GPR135: variants seen among roughly 807,000 people sequenced by gnomAD.
GPR135 encodes G protein-coupled receptor 135.
Under a neutral mutation model 15.0 loss-of-function variants are expected in GPR135, and 17 were observed. The ratio of observed to expected loss-of-function variants is 1.13; its 90% CI spans 0.78 to 1.70. The LOEUF (loss-of-function observed/expected upper bound fraction) is 1.70. GPR135 is among the 40% of genes most tolerant of loss of function. The pLI, the probability that GPR135 is intolerant of heterozygous loss-of-function variation, is 0.00. For synonymous variants in GPR135, 368 were observed against 349.4 expected (o/e 1.05, Z -0.59); for missense variants, 776 against 727.0 (o/e 1.07, Z -0.78).
Position 59,464,704 on chromosome 14 carries a change from C to A in GPR135, c.523G>T (p.Ala175Ser). Residue 175 changes from alanine to serine, a missense_variant, in exon 1 of 1, where the codon GCC becomes TCC. Transcript: ENST00000395116. The stretch of plus-strand genomic sequence containing the variant: ...AAGCCGCGCCAGGGCCCCGCGGCGG[C>A]GGCAGGCGCCGAACCCCCGGGCGGA... ...FTPPGGSAPA[A>S]AAGPWRGFCA... is the part of the protein sequence containing the mutation. 3 of 1,568,138 alleles carry A rather than the reference C, an allele frequency of 1.9e-6. No homozygotes were observed. The highest frequency in any genetic ancestry group is 1.7e-4 in the Middle Eastern group (1 of 5,894).
In GPR135 at chr14:59,464,080, T is replaced by C. The variant is rs764155585; in HGVS notation, c.1147A>G (p.Asn383Asp). 5.0e-6 allele frequency: 8 copies of C among 1,612,846 alleles called. No individual in the cohort carries two copies. The highest frequency in any genetic ancestry group is 6.8e-6 in the Non-Finnish European group (8 of 1,180,012). ...VWLTWANGAI[N>D]PVIYAIRNPN... is the part of the protein sequence containing the mutation. ...TTGCGGATGGCGTAGATGACAGGGTTGATGGCCCCATTGGCCCAGGTCAGC... is the reference window on the plus strand; with the variant it reads ...TTGCGGATGGCGTAGATGACAGGGTCGATGGCCCCATTGGCCCAGGTCAGC... The change falls in exon 1 of 1, where the codon AAC becomes GAC. Residue 383 changes from asparagine (N) to aspartate (D), a missense_variant. Asn to Asp is a conservative substitution (Grantham distance 23, BLOSUM62 1). Coordinates refer to ENST00000395116, the MANE Select transcript of GPR135 (RefSeq NM_022571.6).
rs1889111458 is a variant in GPR135 at position 59,465,180 on chromosome 14, AG to A, written c.46del (p.Leu16TrpfsTer40). The A allele has an allele frequency of 1.5e-6, 2 of 1,299,936 alleles. No individual in the cohort carries two copies. The highest frequency in any genetic ancestry group is 1.9e-6 in the Non-Finnish European group (2 of 1,029,640). The allele number at this position is 1,299,936 out of a possible 1,614,324, so 80.5% of individuals were successfully genotyped here. On this transcript the variant is annotated frameshift_variant, in exon 1 of 1. Transcript: ENST00000395116. LOFTEE classifies it high-confidence loss of function. Reference protein sequence around the residue: ...PPRPPASMALLGSQHSGAPSA... With the variant: ...PPRPPASMALXGSQHSGAPSA... ...GGGGGCGCCGGAGTGCTGGCTGCCC[AG>A]TAAGGCCATGCTCGCTGGTGGGCGG...
chr14:59,460,338 T>G (rs1888809671), downstream of GPR135: 2 of 152,242 alleles, frequency 1.3e-5, no homozygotes. Context: ...GAAACACATA[T>G]ATATAGTTGT....
At chr14:59,457,503 T>C (rs1015877317), downstream of GPR135, among the ~76,000 whole-genome samples, 1 of 152,194 alleles carries the variant, frequency 6.6e-6, no homozygotes, top group African/African-American at 2.4e-5. Flanking sequence ...TATTCATTTT[T>C]TCTGCATTAT....
chr14:59,455,502 C>T (rs1047792189), intron 6 of GPR135, among the ~76,000 whole-genome samples: 7 of 152,228 alleles, frequency 4.6e-5, no homozygotes, highest in African/African-American at 7.2e-5. Flanking sequence ...GTGTAACAAG[C>T]TAGCTCCAAA....
At chr14:59,452,957 T>C (rs1888538693) in intron 6 of GPR135, among the ~76,000 whole-genome samples, 1 of 152,168 alleles carries the variant, frequency 6.6e-6, no homozygotes, top group Non-Finnish European at 1.5e-5. Context: ...TGCATATTAC[T>C]AAGCGAAAAA....
chr14:59,464,713 C>T lies in GPR135; in HGVS notation c.514G>A (p.Ala172Thr). The change falls in exon 1 of 1, where the codon GCG becomes ACG. Residue 172 changes from alanine (A) to threonine (T), a missense_variant. Transcript: ENST00000395116. ...CAGGGCCCCGCGGCGGCGGCAGGCG[C>T]CGAACCCCCGGGCGGAGTGAAGAGG... ...LDLFTPPGGS[A>T]PAAAAGPWRG... 1 of 1,566,422 alleles carries T rather than the reference C, an allele frequency of 6.4e-7. No individual in the cohort carries two copies. Among genetic ancestry groups the T allele is most frequent in the Non-Finnish European group, 8.6e-7 (1 of 1,158,736 alleles).
chr14:59,464,869 C>A lies in GPR135; in HGVS notation c.358G>T (p.Gly120Cys). Residue 120 changes from glycine (G) to cysteine (C), a missense_variant, in exon 1 of 1, where the codon GGC (glycine) becomes TGC (cysteine). Physicochemically the swap from Gly to Cys is radical, Grantham distance 159. Transcript: ENST00000395116. Reference protein sequence around the residue: ...LLLIFLLSSLGNCAVMGVIVK... With the variant: ...LLLIFLLSSLCNCAVMGVIVK... Reference sequence around the variant, plus strand: ...ATCACCCCCATCACCGCGCAGTTGCCAAGGCTAGACAGCAGGAAGATGAGC... The same window carrying A: ...ATCACCCCCATCACCGCGCAGTTGCAAAGGCTAGACAGCAGGAAGATGAGC... The A allele has an allele frequency of 6.2e-7, 1 of 1,605,996 alleles. No homozygotes were observed. Among genetic ancestry groups the A allele is most frequent in the Non-Finnish European group, 8.5e-7 (1 of 1,176,818 alleles).
chr14:59,455,484 T>C (rs1253407519), intron 6 of GPR135, among the ~76,000 whole-genome samples: 3 of 152,246 alleles, frequency 2.0e-5, no homozygotes, highest in Admixed American at 2.0e-4. Flanking sequence ...GTATTAGTTA[T>C]TATTGTTGTG....
chr14:59,454,919 G>A (rs577868785), intron 6 of GPR135, among the ~76,000 whole-genome samples: 10 of 152,178 alleles, frequency 6.6e-5, no homozygotes, highest in African/African-American at 2.4e-4. Context: ...GGCCAACATG[G>A]TGAAACCCCA....
At chr14:59,459,869 T>C (rs1421522113), downstream of GPR135, among the ~76,000 whole-genome samples, 2 of 152,112 alleles carry the variant, frequency 1.3e-5, no homozygotes, top group Non-Finnish European at 2.9e-5. Context: ...ACAGAAGTAA[T>C]AGATAGCATG....
chr14:59,463,813 C>A lies in GPR135; in HGVS notation c.1414G>T (p.Glu472Ter). The change falls in exon 1 of 1, where the codon GAG (glutamate) becomes TAG (stop). Residue 472 changes from glutamate (E) to a stop codon, truncating the protein, a stop_gained. Transcript: ENST00000395116. LOFTEE classifies it high-confidence loss of function. ...GCCGTCACCGGCTCTGGTGGTCCCTCTCGGCAGAAAAGTACAACTGGATTT... is the reference window on the plus strand; with the variant it reads ...GCCGTCACCGGCTCTGGTGGTCCCTATCGGCAGAAAAGTACAACTGGATTT... ...RKNPVVLFCR[E>*]GPPEPVTAVT... is the part of the protein sequence containing the mutation. 1 of 1,614,152 alleles carries A rather than the reference C, an allele frequency of 6.2e-7. No individual in the cohort carries two copies. The highest frequency in any genetic ancestry group is 8.5e-7 in the Non-Finnish European group (1 of 1,179,994).
chr14:59,463,522 T>C lies in GPR135; in HGVS notation c.*220A>G. On this transcript the variant is annotated 3_prime_UTR_variant, in exon 1 of 1. Transcript: ENST00000395116. ...ACTTACAGTTCACAATGCTTGGTTA[T>C]GTGGTTTAAGATTGTTTTAATTTTT... is the stretch of plus-strand genomic sequence containing the variant. The C allele has an allele frequency of 1.8e-6, 1 of 553,434 alleles. No homozygotes were observed. Among genetic ancestry groups the C allele is most frequent in the South Asian group, 2.7e-5 (1 of 37,006 alleles). The allele number at this position is 553,434 out of a possible 1,614,324, so 34.3% of individuals were successfully genotyped here.
intron 6 of GPR135, among the ~76,000 whole-genome samples, chr14:59,453,959 A>G (rs538631787): frequency 6.6e-6 from 1 of 152,370 alleles, no homozygotes; most frequent in East Asian, 1.9e-4. Context: ...GAGTAAAAAC[A>G]TGAACACCAG....
rs1250965925 is a variant in GPR135, at chr14:59,461,014, G to A, written c.*2728C>T. 6.6e-6 allele frequency: 1 copy of A among 152,168 alleles called. No homozygotes were observed. The highest frequency in any genetic ancestry group is 2.4e-5 in the African/African-American group (1 of 41,436). The allele number at this position is 152,168 out of a possible 1,614,324, so 9.4% of individuals were successfully genotyped here. On this transcript the variant is annotated 3_prime_UTR_variant, in exon 1 of 1. Transcript: ENST00000395116. ...CCAAGTTCATCTCTTTTCTTTGATA[G>A]CCTCTTCTGAAAGTGCTACACCTTT...
At position 59,465,215 on chromosome 14, in the gene GPR135, C is replaced by T. The variant is rs1476170732; in HGVS notation, c.12G>A (p.Pro4=). The T allele has an allele frequency of 8.0e-7, 1 of 1,244,146 alleles. No homozygotes were observed. The highest frequency in any genetic ancestry group is 1.0e-6 in the Non-Finnish European group (1 of 995,632). The allele number at this position is 1,244,146 out of a possible 1,614,324, so 77.1% of individuals were successfully genotyped here. MEE[P]QPPRPPASMA... ...TGCTCGCTGGTGGGCGGGGCGGCTGCGGCTCCTCCATGGGGCCCAGTGGCG... is the reference window on the plus strand; with the variant it reads ...TGCTCGCTGGTGGGCGGGGCGGCTGTGGCTCCTCCATGGGGCCCAGTGGCG... Residue 4 remains proline, a synonymous_variant, in exon 1 of 1, where the codon CCG becomes CCA. Coordinates refer to ENST00000395116, the MANE Select transcript of GPR135 (RefSeq NM_022571.6).
chr14:59,455,054 C>T (rs530084219), intron 6 of GPR135, among the ~76,000 whole-genome samples: 7 of 151,590 alleles, frequency 4.6e-5, no homozygotes, highest in South Asian at 2.1e-4. Context: ...GAGCCAAGAT[C>T]GCACCACTGC....
chr14:59,465,104 C>A lies in GPR135; in HGVS notation c.123G>T (p.Val41=), dbSNP rs1480566765. 2 of 1,383,896 alleles carry A rather than the reference C, an allele frequency of 1.4e-6. No homozygotes were observed. Among genetic ancestry groups the A allele is most frequent in the Admixed American group, 2.8e-5 (1 of 35,856 alleles). The allele number at this position is 1,383,896 out of a possible 1,614,324, so 85.7% of individuals were successfully genotyped here. The change falls in exon 1 of 1, where the codon GTG becomes GTT. Residue 41 remains valine (V), a synonymous_variant. Transcript: ENST00000395116. The stretch of plus-strand genomic sequence containing the variant: ...CGGTCGCCACGGTGCTGAAGGAGAG[C>A]ACGGCCGCCGTGGCCGCGGAGGAAG... The part of the protein sequence containing the change: ...GGTSSAATAA[V]LSFSTVATAA...
chr14:59,456,230 CAACA>C (rs1349969600), downstream of GPR135, among the ~76,000 whole-genome samples: 2 of 151,740 alleles, frequency 1.3e-5, no homozygotes, highest in Non-Finnish European at 2.9e-5. Context: ...TAAAAAAAAA[CAACA>C]AACAAAAGTA....
Sources: allele counts gnomAD v4.1 joint callset (sites outside exome capture counted in the v4.1 genomes callset), GRCh38; gene constraint gnomAD v4.1.1; transcripts MANE v1.5; gene names NCBI Gene and HGNC (gene_info 2026-07-23, HGNC 2026-07-21).